The following CSTPP1 variants were observed in gnomAD, a reference collection of about 807,000 sequenced individuals.
CSTPP1 encodes centriolar satellite-associated tubulin polyglutamylase complex regulator 1.
At chr11:47,021,069 A>G in the CSTPP1 span, among the ~76,000 whole-genome samples, 3 of 152,336 alleles carry the variant, frequency 2.0e-5, no homozygotes, top group East Asian at 5.8e-4. Context: ...TGCCAGCTGC[A>G]TCATTTCTGG....
the CSTPP1 span, among the ~76,000 whole-genome samples, chr11:47,062,842 A>C: frequency 6.6e-6 from 1 of 152,230 alleles, no homozygotes; most frequent in African/African-American, 2.4e-5. Context: ...TCTCAATTTC[A>C]GTTTCACTTG....
chr11:47,021,924 T>C, the CSTPP1 span, among the ~76,000 whole-genome samples: 14 of 152,050 alleles, frequency 9.2e-5, no homozygotes, highest in Non-Finnish European at 1.8e-4. Flanking sequence ...CTTCTGAGAG[T>C]TGTGGCCCAG....
the CSTPP1 span, among the ~76,000 whole-genome samples, chr11:46,978,081 A>G: frequency 1.3e-5 from 2 of 152,232 alleles, no homozygotes. Context: ...TACAGTTTGT[A>G]TGTTCATTAA....
At chr11:47,044,186 A>G in the CSTPP1 span, among the ~76,000 whole-genome samples, 1 of 151,986 alleles carries the variant, frequency 6.6e-6, no homozygotes, top group South Asian at 2.1e-4. Context: ...ACAGGGTTTC[A>G]CCATATTGGC....
the CSTPP1 span, among the ~76,000 whole-genome samples, chr11:46,976,280 A>G: frequency 6.6e-6 from 1 of 152,190 alleles, no homozygotes; most frequent in African/African-American, 2.4e-5. Context: ...CTTGCTCTTA[A>G]AAATGAATAA....
chr11:47,007,136 G>A, the CSTPP1 span, among the ~76,000 whole-genome samples: 1 of 150,876 alleles, frequency 6.6e-6, no homozygotes, highest in South Asian at 2.1e-4. Flanking sequence ...TGGTTCAAGT[G>A]ATTCTTCTGC....
At chr11:46,956,962 A>T in the CSTPP1 span, among the ~76,000 whole-genome samples, 2 of 149,298 alleles carry the variant, frequency 1.3e-5, no homozygotes, top group African/African-American at 4.9e-5. Flanking sequence ...TATGTAAAAT[A>T]TATATAATAT....
the CSTPP1 span, among the ~76,000 whole-genome samples, chr11:47,126,793 G>T: frequency 6.6e-6 from 1 of 151,872 alleles, no homozygotes; most frequent in African/African-American, 2.4e-5. Flanking sequence ...TTAGCCAGGC[G>T]TGGTGGTGTG....
At chr11:46,949,669 CT>C in the CSTPP1 span, among the ~76,000 whole-genome samples, 12,732 of 141,968 alleles carry the variant, frequency 0.09, 1,615 homozygotes, top group African/African-American at 0.31. Context: ...GAGAAAATAA[CT>C]TTTTTTTTTT....
chr11:46,987,152 A>T, the CSTPP1 span: 2 of 1,553,258 alleles, frequency 1.3e-6, no homozygotes, highest in East Asian at 2.2e-5. Flanking sequence ...GATTGGGATC[A>T]TTCTTTTTAA....
At chr11:46,951,129 G>C in the CSTPP1 span, among the ~76,000 whole-genome samples, 1 of 152,078 alleles carries the variant, frequency 6.6e-6, no homozygotes, top group South Asian at 2.1e-4. Context: ...GCTGAAGTTT[G>C]AATGAAGTTT....
chr11:47,024,383 T>TTC, the CSTPP1 span, among the ~76,000 whole-genome samples: 1 of 152,128 alleles, frequency 6.6e-6, no homozygotes, highest in Non-Finnish European at 1.5e-5. Context: ...TCTCTTTTTT[T>TTC]TTTTTTAAAC....
chr11:47,157,301 T>C, the CSTPP1 span: 1 of 1,432,278 alleles, frequency 7.0e-7, no homozygotes, highest in Non-Finnish European at 9.3e-7. Context: ...CGCAGGATGT[T>C]CTGCGCGGCC....
chr11:47,161,966 C>T, the CSTPP1 span: 5 of 1,061,916 alleles, frequency 4.7e-6, no homozygotes, highest in Non-Finnish European at 5.7e-6. Flanking sequence ...CCAGCCTCTG[C>T]GGGTCCCCCA....
chr11:47,076,565 G>T, the CSTPP1 span, among the ~76,000 whole-genome samples: 1 of 152,136 alleles, frequency 6.6e-6, no homozygotes, highest in Admixed American at 6.5e-5. Flanking sequence ...TAGAGGCCAG[G>T]CATGGTGGCT....
the CSTPP1 span, among the ~76,000 whole-genome samples, chr11:47,087,214 A>T: frequency 6.6e-6 from 1 of 152,302 alleles, no homozygotes; most frequent in African/African-American, 2.4e-5. Context: ...AAATTTGGGA[A>T]CAATAGCTAA....
At chr11:47,034,503 T>G in the CSTPP1 span, among the ~76,000 whole-genome samples, 1 of 100,238 alleles carries the variant, frequency 1.0e-5, no homozygotes, top group African/African-American at 4.2e-5. Flanking sequence ...TTTAAAAGCT[T>G]CTTTTTTTTT....
At chr11:46,969,152 C>A in the CSTPP1 span, among the ~76,000 whole-genome samples, 125 of 152,224 alleles carry the variant, frequency 8.2e-4, 2 homozygotes, top group African/African-American at 2.9e-3. Context: ...CACTGAGTGG[C>A]CTTGTTCTAC....
At chr11:46,957,185 C>G in the CSTPP1 span, among the ~76,000 whole-genome samples, 1 of 152,092 alleles carries the variant, frequency 6.6e-6, no homozygotes, top group African/African-American at 2.4e-5. Flanking sequence ...AACTGGTCCC[C>G]CTGCTTCAGT....
Sources: gnomAD v4.1 joint callset for allele counts (sites outside exome capture counted in the v4.1 genomes callset) on GRCh38, gnomAD v4.1.1 for gene constraint, MANE v1.5 for transcripts, NCBI Gene and HGNC (gene_info 2026-07-23, HGNC 2026-07-21) for gene names.